The following TGM5 variants were observed in gnomAD, a reference collection of about 807,000 sequenced individuals.
The protein encoded by TGM5 is transglutaminase 5.
TGM5 carries 69 observed loss-of-function variants against 77.2 expected under a neutral mutation model. The observed-to-expected ratio is 0.89, with a 90% CI of 0.74 to 1.09. The LOEUF (loss-of-function observed/expected upper bound fraction) is 1.09, where lower values mean the gene tolerates loss of function less well. Among genes scored for constraint, TGM5 ranks in the 50% least tolerant of loss-of-function variants. The pLI is 0.00. For missense variants in TGM5, 842 were observed against 896.5 expected (o/e 0.94, Z 0.78); for synonymous variants, 346 against 351.8 (o/e 0.98, Z 0.18).
chr15:43,252,344 C>G (rs2042709859), intron 6 of TGM5, among the ~76,000 whole-genome samples: 1 of 152,120 alleles, frequency 6.6e-6, no homozygotes, highest in Admixed American at 6.5e-5. Context: ...GAGATGGAGT[C>G]TCACTCTTGT....
intron 9 of TGM5, among the ~76,000 whole-genome samples, chr15:43,237,615 C>G (rs987147777): frequency 6.6e-6 from 1 of 151,948 alleles, no homozygotes; most frequent in East Asian, 1.9e-4. Flanking sequence ...GTGTTGCCAT[C>G]ATAGTTCACT....
Position 43,250,103 on chromosome 15 carries a change from A to G in TGM5, c.862+2656T>C, listed in dbSNP as rs146677734. ...CTGCTAGCAATGTTCATGAGGTGGTATGGCCTGATGGTTAGCACATGGCTT... is the reference window on the plus strand; with the variant it reads ...CTGCTAGCAATGTTCATGAGGTGGTGTGGCCTGATGGTTAGCACATGGCTT... On this transcript the variant is annotated intron_variant, in intron 6 of 12. Transcript: ENST00000220420. 7.9e-5 allele frequency among the ~76,000 whole-genome samples: 12 copies of G among 152,314 alleles called. No individual in the cohort carries two copies. The East Asian group carries it at 2.3e-3, about 29-fold the overall frequency.
chr15:43,253,475 C>T lies in TGM5; in HGVS notation c.684+31G>A. On this transcript the variant is annotated intron_variant, in intron 5 of 12. Coordinates refer to ENST00000220420, the MANE Select transcript of TGM5 (RefSeq NM_201631.4). ...GGGCAGGGCTCCCGCTGCACAGCTT[C>T]CTCCCTCCCCGGGCACGCCAGGGAC... 2 of 1,607,360 alleles carry T rather than the reference C, an allele frequency of 1.2e-6. 1 individual carries two copies. Among genetic ancestry groups the T allele is most frequent in the South Asian group, 2.2e-5 (2 of 90,980 alleles).
At chr15:43,254,261 G>A (rs1298076758) in intron 4 of TGM5, among the ~76,000 whole-genome samples, 2 of 152,178 alleles carry the variant, frequency 1.3e-5, no homozygotes, top group Non-Finnish European at 2.9e-5. Flanking sequence ...CTCTCCGCGT[G>A]AGACTCAGTT....
chr15:43,266,345 T>C (rs932561481), intron 1 of TGM5, among the ~76,000 whole-genome samples: 5 of 152,162 alleles, frequency 3.3e-5, no homozygotes, highest in African/African-American at 9.6e-5. Flanking sequence ...AGAGAGAAGG[T>C]TGGTGATGGG....
chr15:43,259,673 TTTCTC>T (rs1293812410), intron 3 of TGM5, among the ~76,000 whole-genome samples: 3 of 152,194 alleles, frequency 2.0e-5, no homozygotes, highest in Non-Finnish European at 4.4e-5. Context: ...ACTTTACACT[TTTCTC>T]TTTCTTTTTT....
intron 6 of TGM5, among the ~76,000 whole-genome samples, chr15:43,247,073 G>C (rs1350183198): frequency 2.6e-5 from 4 of 151,066 alleles, no homozygotes; most frequent in Admixed American, 6.6e-5. Context: ...CAGGAGAATA[G>C]CTTGAACCTG....
At chr15:43,236,530 C>T (rs2042591570) in intron 9 of TGM5, among the ~76,000 whole-genome samples, 1 of 152,202 alleles carries the variant, frequency 6.6e-6, no homozygotes, top group Non-Finnish European at 1.5e-5. Context: ...TGAGTACTTA[C>T]TATCCCCAGG....
At chr15:43,241,474 G>C (rs2042635715) in intron 6 of TGM5, among the ~76,000 whole-genome samples, 1 of 152,058 alleles carries the variant, frequency 6.6e-6, no homozygotes, top group Non-Finnish European at 1.5e-5. Context: ...TATGATCTTG[G>C]AAGCCTCTCT....
intron 6 of TGM5, among the ~76,000 whole-genome samples, chr15:43,247,461 C>T (rs1348176179): frequency 6.6e-6 from 1 of 151,866 alleles, no homozygotes; most frequent in African/African-American, 2.4e-5. Flanking sequence ...AACACACCTG[C>T]ACAGGTACCC....
At chr15:43,240,305 A>G (rs1033209037) in intron 7 of TGM5, among the ~76,000 whole-genome samples, 6 of 152,158 alleles carry the variant, frequency 3.9e-5, no homozygotes, top group Non-Finnish European at 7.3e-5. Context: ...GGGTTTCCCC[A>G]CTCAGTCTAT....
intron 4 of TGM5, among the ~76,000 whole-genome samples, chr15:43,254,484 C>T (rs1240616209): frequency 6.6e-6 from 1 of 151,938 alleles, no homozygotes; most frequent in East Asian, 1.9e-4. Context: ...ATCAATCTTC[C>T]CCAGAGGACA....
chr15:43,234,769 A>G lies in TGM5; in HGVS notation c.1875T>C (p.Asn625=). 2.5e-6 allele frequency: 4 copies of G among 1,614,160 alleles called. No individual in the cohort carries two copies. The highest frequency in any genetic ancestry group is 1.3e-5 in the African/African-American group (1 of 75,052). ...AGCCATTTGCAGGACTCCTGCCTAC[A>G]TTAATCGTGATGCTTGGATAAGATA... ...ITLSYPSITI[N]VLGAAVVNQP... The change falls in exon 11 of 13, where the codon AAT becomes AAC. Residue 625 remains asparagine (N), a splice_region_variant and synonymous_variant. Transcript: ENST00000220420.
intron 1 of TGM5, chr15:43,260,809 G>A (rs2042780496): frequency 1.6e-6 from 1 of 617,620 alleles, no homozygotes; most frequent in African/African-American, 1.8e-5. Flanking sequence ...CTATCTCTCT[G>A]ACCCTCTATC....
In TGM5 at chr15:43,233,214, C is replaced by T. The variant is rs1182849696; in HGVS notation, c.2140G>A (p.Val714Ile). The T allele has an allele frequency of 1.1e-5, 18 of 1,614,168 alleles. No individual in the cohort carries two copies. The highest frequency in any genetic ancestry group is 1.5e-5 in the Non-Finnish European group (18 of 1,180,026). The stretch of plus-strand genomic sequence containing the variant: ...ATTTATAATGCAAAGTCTACATAAA[C>T]ATTCCTGTAACCCTTAATGTCCTTA... ...KFKDIKGYRNVYVDFAL is the reference protein window; with the variant it reads ...KFKDIKGYRNIYVDFAL Residue 714 changes from valine (V) to isoleucine (I), a missense_variant, in exon 13 of 13, where the codon GTT (valine) becomes ATT (isoleucine). By Grantham distance (29) the Val-to-Ile change is conservative. Transcript: ENST00000220420.
In TGM5 at chr15:43,233,551, TAC is replaced by T. The variant is rs867671952; in HGVS notation, c.2009+1_2009+2del. ...GAGAAGGCTGAGCACTTGCAGCACTTACAAGACTTTCTGCTGTTTCTTGAAGA... is the reference window on the plus strand; with the variant it reads ...GAGAAGGCTGAGCACTTGCAGCACTTAAGACTTTCTGCTGTTTCTTGAAGA... On this transcript the variant is annotated splice_donor_variant, in intron 12 of 12. Transcript: ENST00000220420. LOFTEE classifies it high-confidence loss of function. 5 of 1,614,190 alleles carry T rather than the reference TAC, an allele frequency of 3.1e-6. No individual in the cohort carries two copies. Among genetic ancestry groups the T allele is most frequent in the Non-Finnish European group, 4.2e-6 (5 of 1,180,030 alleles).
In TGM5 at chr15:43,266,913, A is replaced by T; in HGVS notation, c.-64T>A. 6.2e-7 allele frequency: 1 copy of T among 1,609,484 alleles called. No homozygotes were observed. The highest frequency in any genetic ancestry group is 8.5e-7 in the Non-Finnish European group (1 of 1,177,238). ...CAGCTGGGCGGTCTGGAGCTTCAGC[A>T]AACTGGTGCCAGAGTGTCTACTTCC... On this transcript the variant is annotated 5_prime_UTR_variant, in exon 1 of 13. Transcript: ENST00000220420.
chr15:43,261,076 G>GTTTTTTTT (rs1555384178), intron 1 of TGM5, among the ~76,000 whole-genome samples: 1 of 56,884 alleles, frequency 1.8e-5, no homozygotes, highest in Non-Finnish European at 3.3e-5. Flanking sequence ...TTGTGTGTGT[G>GTTTTTTTT]TTTTTTTTTT....
chr15:43,238,817 C>T lies in TGM5; in HGVS notation c.1345G>A (p.Gly449Arg), dbSNP rs2042610025. 6.2e-7 allele frequency: 1 copy of T among 1,613,776 alleles called. No individual in the cohort carries two copies. Among genetic ancestry groups the T allele is most frequent in the African/African-American group, 1.3e-5 (1 of 74,888 alleles). Residue 449 changes from glycine to arginine, a missense_variant and splice_region_variant, in exon 9 of 13, where the codon GGA becomes AGA. By Grantham distance (125) the Gly-to-Arg change is moderately radical. This residue lies in a region of TGM5 where 815 missense variants were observed against 844.6 expected (regional missense o/e 0.96). Coordinates refer to ENST00000220420, the MANE Select transcript of TGM5 (RefSeq NM_201631.4). ...DITENYKYEE[G>R]SLQERQVFLK... ...GAGTAGGGCTGGCTTGCTTACTTACCTTCTTCATACTTGTAGTTCTCTGTG... is the reference window on the plus strand; with the variant it reads ...GAGTAGGGCTGGCTTGCTTACTTACTTTCTTCATACTTGTAGTTCTCTGTG...
Sources: gnomAD v4.1 joint callset for allele counts (sites outside exome capture counted in the v4.1 genomes callset) on GRCh38, gnomAD v4.1.1 for gene constraint, gnomAD v4.1.1 regional missense constraint, MANE v1.5 for transcripts, NCBI Gene and HGNC (gene_info 2026-07-23, HGNC 2026-07-21) for gene names.